EFHC1: variants seen among roughly 807,000 people sequenced by gnomAD.
The protein encoded by EFHC1 is EF-hand domain containing 1, also known as EF-hand domain-containing protein 1.
In EFHC1, 53 loss-of-function variants were observed where a neutral mutation model predicts 69.9. That is an observed-to-expected ratio of 0.76 (90% CI 0.61 to 0.95). EFHC1 has a LOEUF of 0.95. Ranked by LOEUF, EFHC1 falls within the 40% of genes least tolerant of loss-of-function variation. The pLI is 0.00. For synonymous variants in EFHC1, 256 were observed against 278.4 expected, an observed-to-expected ratio of 0.92 and a Z score of 0.80; for missense variants, 739 against 798.7, an observed-to-expected ratio of 0.93 and a Z score of 0.90.
rs550544797 is a variant in EFHC1, at chr6:52,467,450, G to C, written c.1138-1883G>C. 8.5e-5 allele frequency among the ~76,000 whole-genome samples: 13 copies of C among 152,268 alleles called. No individual in the cohort carries two copies. In the East Asian group the frequency reaches 2.1e-3, roughly 25 times the overall value. On this transcript the variant is annotated intron_variant, in intron 6 of 10. Transcript: ENST00000371068. ...CCCACCTTGGCCTCCCAAAGTGCTA[G>C]TATTACAGGCATGAGCCACCGCACC...
At chr6:52,492,113 C>T (rs1448390916) in intron 10 of EFHC1, among the ~76,000 whole-genome samples, 157 bp from the exon 11 acceptor site, 1 of 152,180 alleles carries the variant, frequency 6.6e-6, no homozygotes, top group Admixed American at 6.5e-5. Context: ...GTCCTACCTG[C>T]CAGGTTCACA....
intron 2 of EFHC1, among the ~76,000 whole-genome samples, chr6:52,434,054 G>A (rs1174006004): frequency 1.3e-5 from 2 of 152,178 alleles, no homozygotes; most frequent in Non-Finnish European, 2.9e-5. Flanking sequence ...CACCAAGTCT[G>A]TTTCCAGGCA....
chr6:52,495,616 G>T lies in EFHC1; in HGVS notation c.*3275G>T. 4.4e-6 allele frequency: 2 copies of T among 453,112 alleles called. No homozygotes were observed. The highest frequency in any genetic ancestry group is 1.6e-5 in the South Asian group (1 of 64,464). 28.1% of individuals were successfully genotyped at this position (453,112 alleles called of 1,614,324 possible). On this transcript the variant is annotated 3_prime_UTR_variant, in exon 11 of 11. Coordinates refer to ENST00000371068, the MANE Select transcript of EFHC1 (RefSeq NM_018100.4). ...TTTGTGTTTGTTTTTTAGAGACAGG[G>T]TCTTACTCTGTTGCCAGACTGGAAT... is the stretch of plus-strand genomic sequence containing the variant.
intron 3 of EFHC1, among the ~76,000 whole-genome samples, chr6:52,449,110 G>A (rs1329573830): frequency 5.3e-5 from 8 of 152,162 alleles, no homozygotes; most frequent in Non-Finnish European, 1.0e-4. Context: ...TTGGCTGGGT[G>A]CGGTGGCTCA....
At chr6:52,466,385 T>C (rs1201409214) in intron 6 of EFHC1, among the ~76,000 whole-genome samples, 1 of 152,168 alleles carries the variant, frequency 6.6e-6, no homozygotes, top group Non-Finnish European at 1.5e-5. Context: ...TCTTCCTCCT[T>C]GAACCACTTT....
rs150760054 is a variant in EFHC1 at position 52,491,327 on chromosome 6, G to C, written c.1852-943G>C. On this transcript the variant is annotated intron_variant, in intron 10 of 10. Transcript: ENST00000371068. ...TCATTGGCAAGTGGAGCAGGGAAGT[G>C]GGGGTGGGACAGATTTGCACATCTT... Among the ~76,000 whole-genome samples the C allele has an allele frequency of 3.2e-3, 489 of 152,318 alleles. 4 individuals carry two copies. Among genetic ancestry groups the C allele is most frequent in the African/African-American group, 0.011 (465 of 41,580 alleles).
At chr6:52,471,366 G>A (rs1211014924) in intron 7 of EFHC1, among the ~76,000 whole-genome samples, 1 of 152,160 alleles carries the variant, frequency 6.6e-6, no homozygotes, top group Non-Finnish European at 1.5e-5. Context: ...CCAGGTGACT[G>A]TCAGAAGCAA....
intron 9 of EFHC1, chr6:52,487,856 C>G (rs1328427486): frequency 1.3e-5 from 2 of 152,280 alleles, no homozygotes; most frequent in Non-Finnish European, 2.9e-5. Context: ...GCTGGCCCCT[C>G]TGTTTTCTTG....
chr6:52,489,380 C>G (rs6902423), intron 9 of EFHC1: 134,068 of 152,220 alleles, frequency 0.88, 59,069 homozygotes, highest in East Asian at 0.96. Context: ...TGCTTACTGA[C>G]TTTATGTGGC....
At chr6:52,479,457 C>G (rs1392332539) in intron 8 of EFHC1, among the ~76,000 whole-genome samples, 183 bp from the exon 9 acceptor site, 1 of 152,072 alleles carries the variant, frequency 6.6e-6, no homozygotes. Context: ...CTACAGATGT[C>G]GACAATAAGT....
chr6:52,421,034 A>C (rs12193402), intron 1 of EFHC1: 77,293 of 1,002,304 alleles, frequency 0.077, 3,277 homozygotes, highest in Non-Finnish European at 0.085. Flanking sequence ...CCTGTTTTGT[A>C]TGTATATCGA....
intron 3 of EFHC1, among the ~76,000 whole-genome samples, chr6:52,440,953 C>T (rs1764649593): frequency 6.6e-6 from 1 of 151,940 alleles, no homozygotes; most frequent in Admixed American, 6.6e-5. Context: ...AGTGTCTGTT[C>T]ATGTCCTTTG....
rs1764583474 is a variant in EFHC1, at chr6:52,438,425, C to G, written c.407C>G (p.Pro136Arg). Reference protein sequence around the residue: ...LEDDSMSVIEPVVENSGILQG... With the variant: ...LEDDSMSVIERVVENSGILQG... ...GATGACAGCATGTCTGTCATAGAGC[C>G]TGTTGTAGAAAATTCTGGAATCCTT... is the stretch of plus-strand genomic sequence containing the variant. The change falls in exon 3 of 11, where the codon CCT becomes CGT. Residue 136 changes from proline to arginine, a missense_variant. By Grantham distance (103) the Pro-to-Arg change is moderately radical. Transcript: ENST00000371068. The G allele has an allele frequency of 3.7e-6, 6 of 1,613,916 alleles. No homozygotes were observed. Among genetic ancestry groups the G allele is most frequent in the Non-Finnish European group, 5.1e-6 (6 of 1,179,998 alleles).
At chr6:52,462,472 G>A (rs1462918915) in intron 5 of EFHC1, among the ~76,000 whole-genome samples, 1 of 152,022 alleles carries the variant, frequency 6.6e-6, no homozygotes, top group African/African-American at 2.4e-5. Flanking sequence ...GAAAACAAAG[G>A]TAACAGAGAA....
At chr6:52,463,456 G>C (rs935861805) in intron 5 of EFHC1, among the ~76,000 whole-genome samples, 2 of 152,152 alleles carry the variant, frequency 1.3e-5, no homozygotes, top group African/African-American at 4.8e-5. Context: ...TAATCTTACA[G>C]ATGATTTTTG....
intron 7 of EFHC1, among the ~76,000 whole-genome samples, chr6:52,471,515 C>G (rs1765434951): frequency 6.6e-6 from 1 of 151,982 alleles, no homozygotes; most frequent in Admixed American, 6.6e-5. Context: ...AGAAAAGTGA[C>G]CAGAAATAAG....
At chr6:52,471,886 T>C (rs1765443452) in intron 7 of EFHC1, among the ~76,000 whole-genome samples, 1 of 150,620 alleles carries the variant, frequency 6.6e-6, no homozygotes, top group Admixed American at 6.6e-5. Context: ...ATAAAATAAA[T>C]AAATAACTAA....
In EFHC1 at chr6:52,464,970, T is replaced by C; in HGVS notation, c.992T>C (p.Val331Ala). Residue 331 changes from valine to alanine, a missense_variant, in exon 6 of 11, where the codon GTT becomes GCT. Val to Ala is a moderately conservative substitution (Grantham distance 64, BLOSUM62 0). Transcript: ENST00000371068. ...LEWYTAKDFI[V>A]GKSLTILGRT... ...TGGTATACTGCTAAAGACTTCATTG[T>C]TGGGAAGTCACTCACTATCCTTGGG... The C allele has an allele frequency of 6.2e-7, 1 of 1,614,100 alleles. No individual in the cohort carries two copies. The highest frequency in any genetic ancestry group is 1.1e-5 in the South Asian group (1 of 91,086).
In EFHC1 at chr6:52,497,038, T is replaced by A. The variant is rs1020149930; in HGVS notation, c.*4697T>A. On this transcript the variant is annotated 3_prime_UTR_variant, in exon 11 of 11. Transcript: ENST00000371068. The stretch of plus-strand genomic sequence containing the variant: ...TGGCCTTTACACAAACGAAACCCCA[T>A]TTCCTCCAAGCTAAATAACATCATA... The A allele has an allele frequency of 8.5e-5, 13 of 152,166 alleles. No homozygotes were observed. Among genetic ancestry groups the A allele is most frequent in the African/African-American group, 3.1e-4 (13 of 41,436 alleles). 9.4% of individuals were successfully genotyped at this position (152,166 alleles called of 1,614,324 possible).
Sources: allele counts gnomAD v4.1 joint callset (sites outside exome capture counted in the v4.1 genomes callset), GRCh38; gene constraint gnomAD v4.1.1; transcripts MANE v1.5; gene names NCBI Gene and HGNC (gene_info 2026-07-23, HGNC 2026-07-21).